TENM1: variants seen among roughly 807,000 people sequenced by gnomAD.
The protein encoded by TENM1 is teneurin transmembrane protein 1.
In TENM1, 35 loss-of-function variants were observed where a neutral mutation model predicts 174.8. That is an observed-to-expected ratio of 0.20 (90% confidence interval 0.15 to 0.27). TENM1 has a LOEUF of 0.27. TENM1 is among the 10% of genes least tolerant of loss of function. The pLI is 1.00. For missense variants in TENM1, 1,633 were observed against 2,130.1 expected, an observed-to-expected ratio of 0.77 and a Z score of 4.59; for synonymous variants, 781 against 798.7, an observed-to-expected ratio of 0.98 and a Z score of 0.37.
chrX:125,124,079 G>A, the TENM1 span, among the ~76,000 whole-genome samples: 16 of 112,132 alleles, frequency 1.4e-4, no homozygotes, highest in African/African-American at 5.2e-4. Context: ...TTGTTCTGAA[G>A]TTGCCATTAC....
intron 4 of TENM1, among the ~76,000 whole-genome samples, chrX:124,731,242 C>A (rs771180390): frequency 9.0e-6 from 1 of 111,310 alleles, no homozygotes; most frequent in Non-Finnish European, 1.9e-5. Context: ...GACATGCAAC[C>A]CATGAAATTG....
intron 4 of TENM1, among the ~76,000 whole-genome samples, chrX:124,726,333 T>C (rs1282770226): frequency 8.9e-6 from 1 of 112,606 alleles, no homozygotes; most frequent in Non-Finnish European, 1.9e-5. Context: ...CTAGAGACTG[T>C]ATCACACTGA....
the TENM1 span, among the ~76,000 whole-genome samples, chrX:125,072,655 G>A: frequency 9.0e-6 from 1 of 111,214 alleles, no homozygotes; most frequent in African/African-American, 3.3e-5. Context: ...CATGGCACAT[G>A]TATACATATG....
At chrX:124,633,388 T>C (rs770802762) in intron 11 of TENM1, among the ~76,000 whole-genome samples, 1 of 111,701 alleles carries the variant, frequency 9.0e-6, no homozygotes, top group East Asian at 2.8e-4. Flanking sequence ...GAACAGTTAG[T>C]AGAGTTAGCT....
At chrX:125,160,544 CAAAAAAAAAAAAAAAA>C in the TENM1 span, among the ~76,000 whole-genome samples, 1 of 28,999 alleles carries the variant, frequency 3.4e-5, no homozygotes, top group East Asian at 1.8e-3. Flanking sequence ...GACCCCGTCT[CAAAAAAAAAAAAAAAA>C]AAAAAAAAAC....
chrX:125,078,881 C>T, the TENM1 span, among the ~76,000 whole-genome samples: 2 of 111,526 alleles, frequency 1.8e-5, no homozygotes, highest in African/African-American at 6.5e-5. Context: ...TGCAGTTATG[C>T]TGGTCACAGT....
At chrX:124,532,641 A>G (rs1261473687) in intron 15 of TENM1, among the ~76,000 whole-genome samples, 1 of 111,895 alleles carries the variant, frequency 8.9e-6, no homozygotes, top group African/African-American at 3.3e-5. Context: ...CATCACTCAT[A>G]AATAATGCTC....
the TENM1 span, among the ~76,000 whole-genome samples, chrX:125,022,868 T>A: frequency 8.9e-6 from 1 of 111,969 alleles, no homozygotes; most frequent in African/African-American, 3.2e-5. Context: ...CCCTTTTTCA[T>A]TTCTCTTTTC....
chrX:124,570,204 T>A (rs192764109), intron 11 of TENM1, among the ~76,000 whole-genome samples: 1 of 111,528 alleles, frequency 9.0e-6, no homozygotes, highest in Non-Finnish European at 1.9e-5. Flanking sequence ...ACTTAATCCA[T>A]AATGGAAAAC....
Position 124,841,510 on chromosome X carries a change from G to A in TENM1, c.535+52786C>T, listed in dbSNP as rs143421254. 7.1e-3 allele frequency among the ~76,000 whole-genome samples: 778 copies of A among 109,810 alleles called. 5 individuals carry two copies. Among genetic ancestry groups the A allele is most frequent in the African/African-American group, 0.025 (743 of 30,173 alleles). On this transcript the variant is annotated intron_variant, in intron 3 of 31. Coordinates refer to ENST00000422452, the Ensembl canonical transcript of TENM1. ...GTACCAATCATGCACAATTGCTTCT[G>A]TACTATTCCTGGTAACCTGGGGTTT...
At chrX:124,542,226 T>G (rs1374238654) in intron 15 of TENM1, among the ~76,000 whole-genome samples, 2 of 112,429 alleles carry the variant, frequency 1.8e-5, no homozygotes, top group Non-Finnish European at 3.8e-5. Flanking sequence ...AATCCATTAC[T>G]TGGAACAATT....
chrX:125,012,535 T>G, the TENM1 span, among the ~76,000 whole-genome samples: 1 of 111,967 alleles, frequency 8.9e-6, no homozygotes. Flanking sequence ...TTGTAATAAT[T>G]TAATCAAACC....
chrX:125,057,279 G>A, the TENM1 span, among the ~76,000 whole-genome samples: 142 of 111,194 alleles, frequency 1.3e-3, no homozygotes, highest in African/African-American at 4.0e-3. Context: ...TGAATGGAGA[G>A]TCAAGTGACC....
At chrX:125,113,322 A>T in the TENM1 span, among the ~76,000 whole-genome samples, 4 of 111,346 alleles carry the variant, frequency 3.6e-5, no homozygotes, top group Non-Finnish European at 7.5e-5. Context: ...TGATCTTGGA[A>T]TATGCAAGAA....
intron 29 of TENM1, among the ~76,000 whole-genome samples, 162 bp downstream of exon 32, chrX:124,385,515 A>G (rs2060208156): frequency 8.9e-6 from 1 of 112,775 alleles, no homozygotes; most frequent in South Asian, 3.6e-4. Context: ...TCATCAGACT[A>G]TAACATGCTT....
At chrX:125,002,803 ATGC>A in the TENM1 span, among the ~76,000 whole-genome samples, 26 of 111,720 alleles carry the variant, frequency 2.3e-4, no homozygotes, top group Admixed American at 1.1e-3. Flanking sequence ...TCCTCACTAT[ATGC>A]TGCTACAGCA....
the TENM1 span, among the ~76,000 whole-genome samples, chrX:125,136,425 T>C: frequency 7.1e-5 from 8 of 112,092 alleles, no homozygotes; most frequent in African/African-American, 2.6e-4. Context: ...TCTTAAAACA[T>C]CTTTATTAAG....
chrX:124,936,535 A>G (rs904850493), intron 1 of TENM1, among the ~76,000 whole-genome samples: 2 of 112,036 alleles, frequency 1.8e-5, no homozygotes, highest in Non-Finnish European at 3.8e-5. Context: ...GACGGGGTAT[A>G]TATTTGTTTC....
chrX:125,061,929 C>T, the TENM1 span, among the ~76,000 whole-genome samples: 1 of 111,881 alleles, frequency 8.9e-6, no homozygotes, highest in Admixed American at 9.4e-5. Flanking sequence ...ATCATGATTG[C>T]CCTAACAGTT....
Sources: allele counts gnomAD v4.1 joint callset (sites outside exome capture counted in the v4.1 genomes callset), GRCh38; gene constraint gnomAD v4.1.1; transcripts MANE v1.5; gene names NCBI Gene and HGNC (gene_info 2026-07-23, HGNC 2026-07-21).